IMPG2: variants seen among roughly 807,000 people sequenced by gnomAD.
IMPG2 encodes the protein IPM 200.
Under a neutral mutation model 129.2 loss-of-function variants are expected in IMPG2, and 91 were observed. The ratio of observed to expected loss-of-function variants is 0.70; its 90% CI spans 0.59 to 0.84. The LOEUF (loss-of-function observed/expected upper bound fraction) is 0.84. Ranked by LOEUF, IMPG2 falls within the 40% of genes least tolerant of loss-of-function variation. The pLI is 0.00. For synonymous variants in IMPG2, 510 were observed against 517.7 expected, an observed-to-expected ratio of 0.99 and a Z score of 0.20; for missense variants, 1,430 against 1,461.7, an observed-to-expected ratio of 0.98 and a Z score of 0.35.
intron 3 of IMPG2, among the ~76,000 whole-genome samples, chr3:101,293,174 C>A (rs544693149): frequency 1.2e-4 from 18 of 152,294 alleles, no homozygotes; most frequent in African/African-American, 4.3e-4. Context: ...TTTCAGTTCA[C>A]TTTGCCTAGA....
intron 17 of IMPG2, 79 bp downstream of exon 17, chr3:101,229,301 C>T (rs182404017): frequency 1.1e-5 from 9 of 840,880 alleles, no homozygotes; most frequent in African/African-American, 1.7e-5. Flanking sequence ...CTCATACACA[C>T]CCCCACCCAC....
chr3:101,255,578 T>G (rs1415196139), intron 10 of IMPG2, among the ~76,000 whole-genome samples: 2 of 152,134 alleles, frequency 1.3e-5, no homozygotes, highest in Non-Finnish European at 2.9e-5. Flanking sequence ...ATGTAGGTTC[T>G]TAACTCCCTT....
chr3:101,252,045 G>A (rs1275453991), intron 11 of IMPG2, among the ~76,000 whole-genome samples: 1 of 152,044 alleles, frequency 6.6e-6, no homozygotes, highest in Admixed American at 6.6e-5. Context: ...AAAAAGAAAG[G>A]AGTTGGCGTC....
chr3:101,304,366 T>TA, intron 2 of IMPG2, 54 bp from the exon 3 acceptor site: 10 of 1,499,878 alleles, frequency 6.7e-6, no homozygotes, highest in Non-Finnish European at 8.4e-6. Flanking sequence ...CTGGGGTTCT[T>TA]ACAATGATCA....
chr3:101,266,302 C>A (rs1706720133), intron 9 of IMPG2, among the ~76,000 whole-genome samples: 1 of 152,184 alleles, frequency 6.6e-6, no homozygotes, highest in African/African-American at 2.4e-5. Flanking sequence ...ATGGGGTCAA[C>A]CTGGGTGTCC....
At chr3:101,234,577 G>A (rs866371324) in intron 14 of IMPG2, among the ~76,000 whole-genome samples, 2 of 152,144 alleles carry the variant, frequency 1.3e-5, no homozygotes, top group South Asian at 4.1e-4. Context: ...TTGACAGGTG[G>A]GAAATTTCTA....
chr3:101,257,447 A>G, intron 10 of IMPG2, 82 bp downstream of exon 10: 1 of 1,534,002 alleles, frequency 6.5e-7, no homozygotes, highest in South Asian at 1.1e-5. Context: ...TCAGAACCTT[A>G]TATATTTCAG....
chr3:101,234,542 A>G (rs976599053), intron 14 of IMPG2, among the ~76,000 whole-genome samples: 2 of 152,220 alleles, frequency 1.3e-5, no homozygotes, highest in Non-Finnish European at 2.9e-5. Flanking sequence ...AGATGCTCAC[A>G]TAACAGGAAA....
intron 2 of IMPG2, among the ~76,000 whole-genome samples, chr3:101,316,483 G>C (rs1056749523): frequency 6.6e-6 from 1 of 151,804 alleles, no homozygotes; most frequent in Non-Finnish European, 1.5e-5. Context: ...ATATATAAAT[G>C]ACAGATAATT....
chr3:101,273,463 C>A, intron 7 of IMPG2, 118 bp downstream of exon 7: 1 of 1,078,532 alleles, frequency 9.3e-7, no homozygotes, highest in Non-Finnish European at 1.4e-6. Context: ...AGTAACCACT[C>A]CAGGAACCAA....
At chr3:101,287,276 G>A (rs1169964192) in intron 4 of IMPG2, among the ~76,000 whole-genome samples, 1 of 152,094 alleles carries the variant, frequency 6.6e-6, no homozygotes, top group Non-Finnish European at 1.5e-5. Context: ...TCATGCTCAT[G>A]GATTGGAAGA....
At chr3:101,307,409 A>G (rs1420011656) in intron 2 of IMPG2, among the ~76,000 whole-genome samples, 2 of 152,206 alleles carry the variant, frequency 1.3e-5, no homozygotes, top group African/African-American at 4.8e-5. Flanking sequence ...GGTACTTTAT[A>G]AAGGAAAGAG....
At chr3:101,229,306 A>ACCCCCCCCCCCC in intron 17 of IMPG2, 74 bp downstream of exon 17, 1 of 362,592 alleles carries the variant, frequency 2.8e-6, no homozygotes, top group Non-Finnish European at 5.5e-6. Flanking sequence ...ACACACCCCC[A>ACCCCCCCCCCCC]CCCACCACCC....
At chr3:101,246,445 AAT>A in intron 11 of IMPG2, among the ~76,000 whole-genome samples, 1 of 152,214 alleles carries the variant, frequency 6.6e-6, no homozygotes, top group East Asian at 1.9e-4. Flanking sequence ...AATGACTTTA[AAT>A]ATATAGAAGT....
chr3:101,258,324 G>T (rs1428485293), intron 9 of IMPG2, among the ~76,000 whole-genome samples: 1 of 151,990 alleles, frequency 6.6e-6, no homozygotes, highest in Non-Finnish European at 1.5e-5. Context: ...TAATATGACA[G>T]TTCTTTCAGG....
rs66908707 is a variant in IMPG2, at chr3:101,226,225, T to TTATA, written c.*740_*743dup. The TTATA allele has an allele frequency of 1.7e-3, 178 of 102,726 alleles. 3 individuals carry two copies. The highest frequency in any genetic ancestry group is 2.1e-3 in the African/African-American group (49 of 22,886). 6.4% of individuals were successfully genotyped at this position (102,726 alleles called of 1,614,324 possible). ...TAGATTAATGGGAATCTTCTAAACT[T>TTATA]TATATATATATATATATATATATAT... On this transcript the variant is annotated 3_prime_UTR_variant, in exon 19 of 19. Coordinates refer to ENST00000193391, the MANE Select transcript of IMPG2 (RefSeq NM_016247.4).
chr3:101,227,947 T>C (rs1428103956), intron 18 of IMPG2: 3 of 428,000 alleles, frequency 7.0e-6, no homozygotes, highest in Non-Finnish European at 9.5e-6. Context: ...TTAATTTCTC[T>C]TATAAGCATG....
chr3:101,228,918 A>G (rs1706251982), intron 17 of IMPG2, 42 bp from the exon 18 acceptor site: 1 of 1,432,474 alleles, frequency 7.0e-7, no homozygotes, highest in Admixed American at 1.7e-5. Context: ...TTGCATTAGA[A>G]AAACCTCAAC....
rs775105637 is a variant in IMPG2, at chr3:101,275,658, C to T, written c.666+5G>A. Reference sequence around the variant, plus strand: ...AACTAACTAACAAAACAGAGCATCACTCACACTCTCCTCTGGCCTTTCCAA... The same window carrying T: ...AACTAACTAACAAAACAGAGCATCATTCACACTCTCCTCTGGCCTTTCCAA... On this transcript the variant is annotated splice_donor_5th_base_variant and intron_variant, in intron 6 of 18. Coordinates refer to ENST00000193391, the MANE Select transcript of IMPG2 (RefSeq NM_016247.4). 3 of 1,598,778 alleles carry T rather than the reference C, an allele frequency of 1.9e-6. No individual in the cohort carries two copies. Among genetic ancestry groups the T allele is most frequent in the Non-Finnish European group, 2.6e-6 (3 of 1,165,872 alleles).
Sources: gnomAD v4.1 joint callset for allele counts (sites outside exome capture counted in the v4.1 genomes callset) on GRCh38, gnomAD v4.1.1 for gene constraint, MANE v1.5 for transcripts, NCBI Gene and HGNC (gene_info 2026-07-23, HGNC 2026-07-21) for gene names.